Variants in ACOXL observed in about 807,000 individuals in gnomAD.
ACOXL encodes the protein acyl-coenzyme A oxidase-like protein.
In ACOXL, 70 loss-of-function variants were observed where a neutral mutation model predicts 71.9. That is an observed-to-expected ratio of 0.97 (90% CI 0.80 to 1.19). The LOEUF is 1.19. ACOXL is among the 50% of genes most tolerant of loss of function. The pLI, the probability that ACOXL is intolerant of heterozygous loss-of-function variation, is 0.00. For synonymous variants in ACOXL, 253 were observed against 281.6 expected (o/e 0.90, Z 1.02); for missense variants, 703 against 736.3 (o/e 0.95, Z 0.52).
chr2:110,804,274 A>G (rs981938152), intron 8 of ACOXL, among the ~76,000 whole-genome samples: 1 of 152,174 alleles, frequency 6.6e-6, no homozygotes, highest in Non-Finnish European at 1.5e-5. Flanking sequence ...GGCATAAGTC[A>G]CCATGCCCAA....
At chr2:111,050,114 C>A (rs898480391) in intron 16 of ACOXL, among the ~76,000 whole-genome samples, 1 of 152,126 alleles carries the variant, frequency 6.6e-6, no homozygotes. Flanking sequence ...CACCAGGAAA[C>A]CGCGTGCACC....
At chr2:110,900,818 T>C (rs2059204956) in intron 10 of ACOXL, among the ~76,000 whole-genome samples, 1 of 152,184 alleles carries the variant, frequency 6.6e-6, no homozygotes, top group African/African-American at 2.4e-5. Flanking sequence ...GAATCTGAAA[T>C]TGGCCAATAT....
intron 14 of ACOXL, among the ~76,000 whole-genome samples, chr2:111,001,045 T>A (rs372295932): frequency 1.8e-4 from 27 of 152,324 alleles, no homozygotes; most frequent in African/African-American, 6.5e-4. Flanking sequence ...TAAAATTCTT[T>A]AAGAACCGAA....
intron 13 of ACOXL, among the ~76,000 whole-genome samples, chr2:110,989,766 G>T (rs1269582487): frequency 6.6e-6 from 1 of 152,172 alleles, no homozygotes; most frequent in South Asian, 2.1e-4. Flanking sequence ...AAAATGGGCT[G>T]GGCACAGTGG....
intron 9 of ACOXL, among the ~76,000 whole-genome samples, chr2:110,810,976 C>T (rs1189382761): frequency 6.6e-6 from 1 of 152,156 alleles, no homozygotes; most frequent in African/African-American, 2.4e-5. Flanking sequence ...CTTATAAAAC[C>T]ATCAGATTTC....
chr2:110,912,519 G>C (rs1043982916), intron 11 of ACOXL, among the ~76,000 whole-genome samples: 2 of 152,044 alleles, frequency 1.3e-5, no homozygotes, highest in African/African-American at 4.8e-5. Context: ...ATGAAAGAAA[G>C]AATACTCTTT....
chr2:111,089,579 C>T (rs2068411195), intron 16 of ACOXL, among the ~76,000 whole-genome samples: 3 of 152,058 alleles, frequency 2.0e-5, no homozygotes, highest in Admixed American at 2.0e-4. Flanking sequence ...GCCATATAAA[C>T]AAGATGACTT....
Position 110,897,034 on chromosome 2 carries a change from C to T in ACOXL, c.789-11755C>T, listed in dbSNP as rs192234870. 3.0e-3 allele frequency among the ~76,000 whole-genome samples: 461 copies of T among 152,040 alleles called. 4 individuals carry two copies. Among genetic ancestry groups the T allele is most frequent in the African/African-American group, 0.011 (442 of 41,502 alleles). ...ATTGAAGTCATACAGAGTGAGTTCTCTGACCATGATGTATTCAAACTAGAA... is the reference window on the plus strand; with the variant it reads ...ATTGAAGTCATACAGAGTGAGTTCTTTGACCATGATGTATTCAAACTAGAA... On this transcript the variant is annotated intron_variant, in intron 10 of 17. Transcript: ENST00000439055.
intron 16 of ACOXL, among the ~76,000 whole-genome samples, chr2:111,065,298 A>G (rs1398242368): frequency 6.6e-6 from 1 of 152,254 alleles, no homozygotes. Flanking sequence ...GAACATCCAT[A>G]GGCAAAATAA....
intron 16 of ACOXL, among the ~76,000 whole-genome samples, chr2:111,074,245 C>G (rs1323314676): frequency 6.7e-6 from 1 of 149,922 alleles, no homozygotes; most frequent in Non-Finnish European, 1.5e-5. Context: ...ATTTCCATGG[C>G]TTTGTTTTCT....
chr2:110,900,718 AG>A (rs958597874), intron 10 of ACOXL, among the ~76,000 whole-genome samples: 15 of 152,234 alleles, frequency 9.9e-5, no homozygotes, highest in Admixed American at 7.8e-4. Context: ...AAAGGCAGCC[AG>A]GTTCCTTGGT....
At chr2:110,939,933 G>T (rs534580182) in intron 12 of ACOXL, among the ~76,000 whole-genome samples, 1 of 152,320 alleles carries the variant, frequency 6.6e-6, no homozygotes, top group East Asian at 1.9e-4. Flanking sequence ...GTCAGTACAG[G>T]TTAAACCAAT....
chr2:110,888,680 T>C (rs1474598206), intron 10 of ACOXL, among the ~76,000 whole-genome samples: 1 of 152,228 alleles, frequency 6.6e-6, no homozygotes, highest in Non-Finnish European at 1.5e-5. Context: ...GTGTGAGTCT[T>C]AAATCCTTCT....
chr2:111,000,739 C>T (rs2063586640), intron 14 of ACOXL, among the ~76,000 whole-genome samples: 1 of 152,176 alleles, frequency 6.6e-6, no homozygotes, highest in Admixed American at 6.5e-5. Context: ...CATGATATCT[C>T]CCCATAAGTC....
chr2:110,852,498 C>CAG (rs1692740107), intron 10 of ACOXL, among the ~76,000 whole-genome samples: 1 of 152,220 alleles, frequency 6.6e-6, no homozygotes, highest in South Asian at 2.1e-4. Flanking sequence ...AAACTAGCCA[C>CAG]AGAGAGTTCT....
intron 11 of ACOXL, among the ~76,000 whole-genome samples, chr2:110,930,375 G>T (rs955114351): frequency 2.6e-5 from 4 of 152,330 alleles, no homozygotes; most frequent in Admixed American, 6.5e-5. Context: ...TTTACCCAAT[G>T]CCTGTACCAC....
chr2:110,932,664 G>A (rs2060518558), intron 11 of ACOXL, among the ~76,000 whole-genome samples: 1 of 152,166 alleles, frequency 6.6e-6, no homozygotes, highest in Non-Finnish European at 1.5e-5. Flanking sequence ...TGTGTGTGTG[G>A]TTAAAAGAAA....
chr2:110,970,619 C>T (rs1054620448), intron 12 of ACOXL, among the ~76,000 whole-genome samples: 3 of 152,054 alleles, frequency 2.0e-5, no homozygotes, highest in Non-Finnish European at 4.4e-5. Context: ...AAAGTTTTAG[C>T]AGTGCAATAA....
At chr2:111,034,332 A>C (rs541326921) in intron 15 of ACOXL, among the ~76,000 whole-genome samples, 1 of 152,242 alleles carries the variant, frequency 6.6e-6, no homozygotes, top group Non-Finnish European at 1.5e-5. Context: ...TCTTATAACC[A>C]AAGTAGAACA....
Sources: gnomAD v4.1 joint callset for allele counts (sites outside exome capture counted in the v4.1 genomes callset) on GRCh38, gnomAD v4.1.1 for gene constraint, MANE v1.5 for transcripts, NCBI Gene and HGNC (gene_info 2026-07-23, HGNC 2026-07-21) for gene names.